The following PRKDC variants were observed in gnomAD, a reference collection of about 807,000 sequenced individuals.
PRKDC encodes the protein DNA-dependent protein kinase catalytic subunit.
PRKDC carries 82 observed loss-of-function variants against 486.9 expected under a neutral mutation model. The observed-to-expected ratio is 0.17, with a 90% CI of 0.14 to 0.20. PRKDC has a LOEUF of 0.20. PRKDC is among the 10% of genes least tolerant of loss of function. PRKDC has a pLI of 1.00. For synonymous variants in PRKDC, 1,895 were observed against 1,837.0 expected (o/e 1.03, Z -0.81); for missense variants, 4,504 against 5,038.2 (o/e 0.89, Z 3.21).
chr8:47,807,115 G>A (rs1191982891), intron 69 of PRKDC, 22 bp downstream of exon 69: 4 of 1,604,374 alleles, frequency 2.5e-6, no homozygotes, highest in Non-Finnish European at 2.6e-6. Context: ...ACACAGCAGG[G>A]AGGACAGACA....
intron 40 of PRKDC, among the ~76,000 whole-genome samples, chr8:47,874,209 A>G (rs566779977): frequency 6.6e-6 from 1 of 151,946 alleles, no homozygotes; most frequent in Admixed American, 6.6e-5. Context: ...TTGGCCTCCC[A>G]AAGTGCTGGG....
intron 22 of PRKDC, among the ~76,000 whole-genome samples, chr8:47,915,937 A>C (rs1397804560): frequency 2.6e-5 from 4 of 152,192 alleles, no homozygotes; most frequent in Non-Finnish European, 5.9e-5. Context: ...GTCGAATCTG[A>C]ATTCTTATCA....
At chr8:47,868,313 T>A (rs1238358753) in intron 40 of PRKDC, among the ~76,000 whole-genome samples, 1 of 151,650 alleles carries the variant, frequency 6.6e-6, no homozygotes, top group Admixed American at 6.6e-5. Context: ...ATCCCAGCAA[T>A]TTGGAGGCTG....
Position 47,943,323 on chromosome 8 carries a change from G to A in PRKDC, c.852C>T (p.Thr284=). 2 of 1,611,876 alleles carry A rather than the reference G, an allele frequency of 1.2e-6. No individual in the cohort carries two copies. The highest frequency in any genetic ancestry group is 1.1e-5 in the South Asian group (1 of 90,546). The change falls in exon 10 of 86, where the codon ACC becomes ACT. Residue 284 remains threonine (T), a synonymous_variant. Coordinates refer to ENST00000314191, the MANE Select transcript of PRKDC (RefSeq NM_006904.7). ...GAGACACGTAGTTGTCCAGAAGGCA[G>A]GTGCTAAACTGAGATGCATGCAGGG... ...LFALHASQFS[T]CLLDNYVSLF... is the part of the protein sequence containing the mutation.
intron 66 of PRKDC, among the ~76,000 whole-genome samples, chr8:47,820,141 G>A (rs1248111002): frequency 3.3e-5 from 5 of 152,250 alleles, no homozygotes; most frequent in East Asian, 1.9e-4. Context: ...GGTCAGGAGC[G>A]TTGGCTCACG....
Position 47,797,204 on chromosome 8 carries a change from G to A in PRKDC, c.10458+1033C>T, listed in dbSNP as rs1011081968. ...AGAGAGGCTACTGGCTTCACTGCAC[G>A]TGTCTACTGGGTGTTTTGACAACGT... On this transcript the variant is annotated intron_variant, in intron 73 of 85. Coordinates refer to ENST00000314191, the MANE Select transcript of PRKDC (RefSeq NM_006904.7). 3.9e-5 allele frequency among the ~76,000 whole-genome samples: 6 copies of A among 152,172 alleles called. No homozygotes were observed. The East Asian group carries it at 5.8e-4, about 15-fold the overall frequency.
chr8:47,839,279 T>C, intron 55 of PRKDC, 33 bp from the exon 56 acceptor site: 1 of 1,459,878 alleles, frequency 6.8e-7, no homozygotes, highest in Non-Finnish European at 9.6e-7. Flanking sequence ...GTCACAACAT[T>C]AATGCTCTCT....
chr8:47,862,209 T>C (rs886606684), intron 43 of PRKDC, 82 bp from the exon 44 acceptor site: 2 of 1,389,284 alleles, frequency 1.4e-6, no homozygotes, highest in African/African-American at 2.9e-5. Context: ...TAATGCTATG[T>C]AATAGCTCAT....
rs1158261232 is a variant in PRKDC, at chr8:47,852,635, G to A, written c.7005+38C>T. On this transcript the variant is annotated intron_variant, in intron 52 of 85. Coordinates refer to ENST00000314191, the MANE Select transcript of PRKDC (RefSeq NM_006904.7). ...AAGGGTCATAACAAATCAAAACAGAGTAAGAGGTATTTATTGAAAATTGTG... is the reference window on the plus strand; with the variant it reads ...AAGGGTCATAACAAATCAAAACAGAATAAGAGGTATTTATTGAAAATTGTG... 8 of 1,282,024 alleles carry A rather than the reference G, an allele frequency of 6.2e-6. No individual in the cohort carries two copies. In the East Asian group the frequency reaches 1.3e-4, roughly 20 times the overall value. 79.4% of individuals were successfully genotyped at this position (1,282,024 alleles called of 1,614,324 possible).
chr8:47,850,163 C>CT (rs774738210), intron 52 of PRKDC, among the ~76,000 whole-genome samples: 2 of 152,184 alleles, frequency 1.3e-5, no homozygotes, highest in Non-Finnish European at 2.9e-5. Context: ...GAGAAGTACT[C>CT]AGTAGAGTCC....
In PRKDC at chr8:47,830,876, C is replaced by T. The variant is rs8178189; in HGVS notation, c.8266-140G>A. On this transcript the variant is annotated intron_variant, in intron 60 of 85. Coordinates refer to ENST00000314191, the MANE Select transcript of PRKDC (RefSeq NM_006904.7). ...CTGATGCTCGCAGAGGCTCAGTCGCCGTACTTTACCGTCTAGGGCAAACAC... is the reference window on the plus strand; with the variant it reads ...CTGATGCTCGCAGAGGCTCAGTCGCTGTACTTTACCGTCTAGGGCAAACAC... The T allele has an allele frequency of 4.2e-3, 4,094 of 963,486 alleles. 46 individuals are homozygous for T. Among genetic ancestry groups the T allele is most frequent in the South Asian group, 0.024 (1,575 of 64,662 alleles). 59.7% of individuals were successfully genotyped at this position (963,486 alleles called of 1,614,324 possible). A position where few individuals can be genotyped will look rare whatever the true frequency, so the allele number is the denominator to read the frequency against.
intron 64 of PRKDC, among the ~76,000 whole-genome samples, chr8:47,822,416 G>A (rs575290599): frequency 9.2e-5 from 14 of 152,256 alleles, no homozygotes; most frequent in African/African-American, 3.4e-4. Flanking sequence ...ATCTCTACTG[G>A]GGGTTATTTA....
chr8:47,844,401 T>A (rs923972741), intron 54 of PRKDC, among the ~76,000 whole-genome samples: 9 of 152,184 alleles, frequency 5.9e-5, no homozygotes, highest in Non-Finnish European at 1.2e-4. Context: ...ATAAAATAAG[T>A]TCTTTTAGAT....
rs1411512835 is a variant in PRKDC at position 47,777,691 on chromosome 8, A to T, written c.12037T>A (p.Trp4013Arg). 6.3e-7 allele frequency: 1 copy of T among 1,581,348 alleles called. No individual in the cohort carries two copies. The highest frequency in any genetic ancestry group is 1.7e-4 in the Middle Eastern group (1 of 5,880). ...DVFVKEPSFD[W>R]KNFEQKMLKK... ...GCACATGAAACAAAACCTACTTTCC[A>T]ATCAAAGGAGGGCTCCTTGACAAAC... is the stretch of plus-strand genomic sequence containing the variant. The change falls in exon 84 of 86, where the codon TGG (tryptophan) becomes AGG (arginine). Residue 4013 changes from tryptophan (W) to arginine (R), a missense_variant. Trp to Arg is a moderately radical substitution (Grantham distance 101). This residue lies in a region of PRKDC where 706 missense variants were observed against 945.0 expected (regional missense o/e 0.75). Transcript: ENST00000314191.
At chr8:47,921,231 G>A (rs956083770) in intron 21 of PRKDC, among the ~76,000 whole-genome samples, 6 of 151,774 alleles carry the variant, frequency 4.0e-5, no homozygotes, top group Non-Finnish European at 8.8e-5. Context: ...CTCCAGCCTG[G>A]GCGACAGAGC....
chr8:47,950,023 G>A (rs777136274), intron 7 of PRKDC, among the ~76,000 whole-genome samples: 5 of 152,196 alleles, frequency 3.3e-5, no homozygotes, highest in Non-Finnish European at 7.3e-5. Flanking sequence ...TGTAATCCCA[G>A]CACTTTGGGA....
chr8:47,955,670 C>A (rs1221410039), intron 4 of PRKDC, among the ~76,000 whole-genome samples: 2 of 151,984 alleles, frequency 1.3e-5, no homozygotes, highest in African/African-American at 4.8e-5. Flanking sequence ...CAGAATTCTT[C>A]TTTTACTACC....
chr8:47,851,105 C>T (rs1258866698), intron 52 of PRKDC, among the ~76,000 whole-genome samples: 12 of 152,222 alleles, frequency 7.9e-5, no homozygotes, highest in East Asian at 1.9e-4. Context: ...CCACAGCACC[C>T]GGCCTCTTAC....
chr8:47,863,678 G>C, intron 41 of PRKDC, 101 bp from the exon 42 acceptor site: 2 of 1,001,844 alleles, frequency 2.0e-6, no homozygotes, highest in South Asian at 1.8e-5. Flanking sequence ...TAGACAGACA[G>C]AATTTTAACA....
Sources: allele counts gnomAD v4.1 joint callset (sites outside exome capture counted in the v4.1 genomes callset), GRCh38; gene constraint gnomAD v4.1.1; regional missense constraint gnomAD v4.1.1; transcripts MANE v1.5; gene names NCBI Gene and HGNC (gene_info 2026-07-23, HGNC 2026-07-21).